SOX12: variants seen among roughly 807,000 people sequenced by gnomAD.
SOX12 encodes the protein SRY-box transcription factor 12, also known as transcription factor SOX-12.
A neutral mutation model predicts 21.5 loss-of-function variants in SOX12; 8 were observed. That is an observed-to-expected ratio of 0.37 (90% CI 0.22 to 0.67). The LOEUF is 0.67. SOX12 is among the 30% of genes least tolerant of loss of function. The probability of loss-of-function intolerance (pLI) is 0.56; values close to 1 mark genes in which losing one functional copy is unlikely to be tolerated. For synonymous variants in SOX12, 235 were observed against 224.2 expected (o/e 1.05, Z -0.43); for missense variants, 400 against 482.6 (o/e 0.83, Z 1.60).
Position 326,350 on chromosome 20 carries a change from G to A in SOX12, c.426G>A (p.Leu142=). The change falls in exon 1 of 1, where the codon CTG becomes CTA. Residue 142 remains leucine, a synonymous_variant. Coordinates refer to ENST00000342665, the MANE Select transcript of SOX12 (RefSeq NM_006943.4). This position sits in a 1 kb window ranked among gnomAD's most constrained non-coding sequence, Gnocchi z 9.9. ...GGSRLKPGPQ[L]PGRGGRRAAG... ...GCCGGCTCAAGCCCGGGCCGCAGCT[G>A]CCTGGCCGCGGGGGCCGCCGAGCAG... 7.7e-7 allele frequency: 1 copy of A among 1,299,294 alleles called. No homozygotes were observed. Among genetic ancestry groups the A allele is most frequent in the Non-Finnish European group, 9.8e-7 (1 of 1,025,034 alleles). 80.5% of individuals were successfully genotyped at this position (1,299,294 alleles called of 1,614,324 possible).
Position 326,727 on chromosome 20 carries a change from G to A in SOX12, c.803G>A (p.Ser268Asn). 6.2e-7 allele frequency: 1 copy of A among 1,608,870 alleles called. No homozygotes were observed. Among genetic ancestry groups the A allele is most frequent in the Non-Finnish European group, 8.5e-7 (1 of 1,177,948 alleles). Residue 268 changes from serine to asparagine, a missense_variant, in exon 1 of 1, where the codon AGC becomes AAC. This residue lies in a region of SOX12 where 235 missense variants were observed against 219.3 expected (regional missense o/e 1.07). Transcript: ENST00000342665. This position sits in a 1 kb window ranked among gnomAD's most constrained non-coding sequence, Gnocchi z 9.9. The part of the protein sequence containing the change: ...LPPGPAGLDC[S>N]ALDRDPDLQP... ...CCTGGCCCGGCCGGCCTGGACTGCA[G>A]CGCCCTGGATCGCGACCCGGACCTG...
Position 326,312 on chromosome 20 carries a change from A to G in SOX12, c.388A>G (p.Ser130Gly), listed in dbSNP as rs751675521. ...GGCGCGGCCCCGCCCCCCCGGTGGT[A>G]GCGGTGGCGGCAGCCGGCTCAAGCC... ...AKARPRPPGG[S>G]GGGSRLKPGP... The change falls in exon 1 of 1, where the codon AGC becomes GGC. Residue 130 changes from serine to glycine, a missense_variant. This residue lies in a region of SOX12 where 92 missense variants were observed against 162.0 expected (regional missense o/e 0.57). Coordinates refer to ENST00000342665, the MANE Select transcript of SOX12 (RefSeq NM_006943.4). The surrounding 1 kb of genome is among the most constrained non-coding windows in gnomAD (Gnocchi z 9.9). 7.2e-7 allele frequency: 1 copy of G among 1,392,752 alleles called. No individual in the cohort carries two copies. Among genetic ancestry groups the G allele is most frequent in the South Asian group, 1.6e-5 (1 of 61,890 alleles). 86.3% of individuals were successfully genotyped at this position (1,392,752 alleles called of 1,614,324 possible).
rs1011981897 is a variant in SOX12 at position 326,346 on chromosome 20, A to G, written c.422A>G (p.Gln141Arg). Reference sequence around the variant, plus strand: ...GGCAGCCGGCTCAAGCCCGGGCCGCAGCTGCCTGGCCGCGGGGGCCGCCGA... The same window carrying G: ...GGCAGCCGGCTCAAGCCCGGGCCGCGGCTGCCTGGCCGCGGGGGCCGCCGA... The part of the protein sequence containing the change: ...GGGSRLKPGP[Q>R]LPGRGGRRAA... Residue 141 changes from glutamine (Q) to arginine (R), a missense_variant, in exon 1 of 1, where the codon CAG becomes CGG. Physicochemically the swap from Gln to Arg is conservative, Grantham distance 43. This residue lies in a region of SOX12 where 235 missense variants were observed against 219.3 expected (regional missense o/e 1.07). Coordinates refer to ENST00000342665, the MANE Select transcript of SOX12 (RefSeq NM_006943.4). The surrounding 1 kb of genome is among the most constrained non-coding windows in gnomAD (Gnocchi z 9.9). The G allele has an allele frequency of 1.2e-5, 16 of 1,302,992 alleles. 1 individual carries two copies. The South Asian group carries it at 4.3e-4, about 35-fold the overall frequency. The allele number at this position is 1,302,992 out of a possible 1,614,324, so 80.7% of individuals were successfully genotyped here.
Position 326,669 on chromosome 20 carries a change from G to T in SOX12, c.745G>T (p.Glu249Ter). Reference sequence around the variant, plus strand: ...TGAAGAGGAGACGGTGGCGTCGGGGGAGGAGTCGCTGGGCTTTCTGTCCAG... The same window carrying T: ...TGAAGAGGAGACGGTGGCGTCGGGGTAGGAGTCGCTGGGCTTTCTGTCCAG... ...EGEEETVASG[E>*]ESLGFLSRLP... The change falls in exon 1 of 1, where the codon GAG (glutamate) becomes TAG (stop). Residue 249 changes from glutamate to a stop codon, truncating the protein, a stop_gained. Transcript: ENST00000342665. LOFTEE classifies it high-confidence loss of function. The surrounding 1 kb of genome is among the most constrained non-coding windows in gnomAD (Gnocchi z 9.9). 6.4e-7 allele frequency: 1 copy of T among 1,558,238 alleles called. No individual in the cohort carries two copies. The highest frequency in any genetic ancestry group is 2.4e-5 in the East Asian group (1 of 41,288).
chr20:327,905 C>T lies in SOX12; in HGVS notation c.*1033C>T, dbSNP rs370769990. 3.0e-5 allele frequency: 5 copies of T among 167,366 alleles called. No individual in the cohort carries two copies. Among genetic ancestry groups the T allele is most frequent in the African/African-American group, 9.7e-5 (4 of 41,442 alleles). The allele number at this position is 167,366 out of a possible 1,614,324, so 10.4% of individuals were successfully genotyped here. A position where few individuals can be genotyped will look rare whatever the true frequency, so the allele number is the denominator to read the frequency against. On this transcript the variant is annotated 3_prime_UTR_variant, in exon 1 of 1. Transcript: ENST00000342665. ...CAGGGCACCCGCAACCTGGGCTCCT[C>T]CCTGAGCGCACCGGCCCTTCCTGTC...
rs139077286 is a variant in SOX12 at position 330,181 on chromosome 20, C to A, written c.*3309C>A. On this transcript the variant is annotated 3_prime_UTR_variant, in exon 1 of 1. Coordinates refer to ENST00000342665, the MANE Select transcript of SOX12 (RefSeq NM_006943.4). ...AGGCCTGCTTCCTCTTCTTCCTCTT[C>A]TTTTCACAGGTGCTTATTCCTAATA... 6.0e-6 allele frequency: 1 copy of A among 167,080 alleles called. No homozygotes were observed. Among genetic ancestry groups the A allele is most frequent in the African/African-American group, 2.4e-5 (1 of 41,586 alleles). 10.3% of individuals were successfully genotyped at this position (167,080 alleles called of 1,614,324 possible).
At position 326,161 on chromosome 20, in the gene SOX12, G is replaced by A; in HGVS notation, c.237G>A (p.Gln79=). ...CCAAGCGCCTGGGCCGCCGCTGGCA[G>A]CTGCTGCAGGACTCGGAGAAGATCC... ...EISKRLGRRW[Q]LLQDSEKIPF... The change falls in exon 1 of 1, where the codon CAG becomes CAA. Residue 79 remains glutamine (Q), a synonymous_variant. Coordinates refer to ENST00000342665, the MANE Select transcript of SOX12 (RefSeq NM_006943.4). The surrounding 1 kb of genome is among the most constrained non-coding windows in gnomAD (Gnocchi z 9.9). 6.3e-7 allele frequency: 1 copy of A among 1,597,640 alleles called. No homozygotes were observed. Among genetic ancestry groups the A allele is most frequent in the Non-Finnish European group, 8.5e-7 (1 of 1,172,698 alleles).
chr20:328,579 AC>A lies in SOX12; in HGVS notation c.*1708del, dbSNP rs1379773159. 1.3e-5 allele frequency: 2 copies of A among 159,288 alleles called. No homozygotes were observed. The highest frequency in any genetic ancestry group is 3.0e-5 in the Non-Finnish European group (2 of 67,474). The allele number at this position is 159,288 out of a possible 1,614,324, so 9.9% of individuals were successfully genotyped here. Reference sequence around the variant, plus strand: ...ACAAAAAAAGACAATGAAAAAAAAAACGTCATGTGAGTGAAGAGATGTCACT... The same window carrying A: ...ACAAAAAAAGACAATGAAAAAAAAAAGTCATGTGAGTGAAGAGATGTCACT... On this transcript the variant is annotated 3_prime_UTR_variant, in exon 1 of 1. Coordinates refer to ENST00000342665, the MANE Select transcript of SOX12 (RefSeq NM_006943.4).
At position 329,966 on chromosome 20, in the gene SOX12, C is replaced by CAG. The variant is rs2013165394; in HGVS notation, c.*3099_*3100dup. Reference sequence around the variant, plus strand: ...AGTGCCATCAGGGTGGCCGCAGCTGCAGAGAGCCACTTCACCTGAGACCAC... The same window carrying CAG: ...AGTGCCATCAGGGTGGCCGCAGCTGCAGAGAGAGCCACTTCACCTGAGACCAC... On this transcript the variant is annotated 3_prime_UTR_variant, in exon 1 of 1. Transcript: ENST00000342665. 6.0e-6 allele frequency: 1 copy of CAG among 167,148 alleles called. No homozygotes were observed. Among genetic ancestry groups the CAG allele is most frequent in the African/African-American group, 2.4e-5 (1 of 41,454 alleles). The allele number at this position is 167,148 out of a possible 1,614,324, so 10.4% of individuals were successfully genotyped here.
chr20:326,611 A>G lies in SOX12; in HGVS notation c.687A>G (p.Glu229=). Residue 229 remains glutamate, a synonymous_variant, in exon 1 of 1, where the codon GAA becomes GAG. Transcript: ENST00000342665. This position sits in a 1 kb window ranked among gnomAD's most constrained non-coding sequence, Gnocchi z 9.9. ...PTPSEDEEPE[E]EEEEAAAAEE... ...CGTCGGAGGACGAGGAGCCGGAGGA[A>G]GAGGAGGAGGAGGCGGCAGCGGCTG... 3.9e-6 allele frequency: 6 copies of G among 1,539,950 alleles called. No homozygotes were observed. Among genetic ancestry groups the G allele is most frequent in the Non-Finnish European group, 4.4e-6 (5 of 1,140,520 alleles).
At position 326,884 on chromosome 20, in the gene SOX12, G is replaced by T. The variant is rs2013106520; in HGVS notation, c.*12G>T. On this transcript the variant is annotated 3_prime_UTR_variant, in exon 1 of 1. Coordinates refer to ENST00000342665, the MANE Select transcript of SOX12 (RefSeq NM_006943.4). This position sits in a 1 kb window ranked among gnomAD's most constrained non-coding sequence, Gnocchi z 9.9. ...TTTTCACCTACTGAGCCCACCGTCA[G>T]CGGGGCGCGCACGCCCCCAAACCAG... 1.2e-6 allele frequency: 2 copies of T among 1,612,972 alleles called. No homozygotes were observed. The highest frequency in any genetic ancestry group is 1.7e-5 in the Admixed American group (1 of 60,016).
chr20:328,279 C>A lies in SOX12; in HGVS notation c.*1407C>A, dbSNP rs6050226. 0.027 allele frequency: 4,410 copies of A among 165,340 alleles called. 72 individuals carry two copies. Among genetic ancestry groups the A allele is most frequent in the South Asian group, 0.083 (390 of 4,706 alleles). The allele number at this position is 165,340 out of a possible 1,614,324, so 10.2% of individuals were successfully genotyped here. On this transcript the variant is annotated 3_prime_UTR_variant, in exon 1 of 1. Coordinates refer to ENST00000342665, the MANE Select transcript of SOX12 (RefSeq NM_006943.4). ...CTCTGCCCCGCCCCGCCCCTCCGGCCTCCCCACACCCCCCTTGCCCTCACT... is the reference window on the plus strand; with the variant it reads ...CTCTGCCCCGCCCCGCCCCTCCGGCATCCCCACACCCCCCTTGCCCTCACT...
rs1251109208 is a variant in SOX12, at chr20:327,540, C to G, written c.*668C>G. On this transcript the variant is annotated 3_prime_UTR_variant, in exon 1 of 1. Transcript: ENST00000342665. ...TTGATCCGGGAGCCCTAGGTTTCCT[C>G]TCCAGCCAACGGGGCGTCGCTGCCT... is the stretch of plus-strand genomic sequence containing the variant. 1 of 167,332 alleles carries G rather than the reference C, an allele frequency of 6.0e-6. No homozygotes were observed. Among genetic ancestry groups the G allele is most frequent in the Middle Eastern group, 3.4e-3 (1 of 298 alleles). 10.4% of individuals were successfully genotyped at this position (167,332 alleles called of 1,614,324 possible).
rs1185262067 is a variant in SOX12, at chr20:327,418, G to A, written c.*546G>A. 5 of 175,184 alleles carry A rather than the reference G, an allele frequency of 2.9e-5. No homozygotes were observed. Among genetic ancestry groups the A allele is most frequent in the South Asian group, 1.6e-4 (1 of 6,362 alleles). 10.9% of individuals were successfully genotyped at this position (175,184 alleles called of 1,614,324 possible). The stretch of plus-strand genomic sequence containing the variant: ...CACCCCCTTCGTGCGCATGCTTAAT[G>A]CTTCTGGGGAGGAGGGGGCTGGTCC... On this transcript the variant is annotated 3_prime_UTR_variant, in exon 1 of 1. Coordinates refer to ENST00000342665, the MANE Select transcript of SOX12 (RefSeq NM_006943.4).
rs948673931 is a variant in SOX12 at position 329,165 on chromosome 20, G to C, written c.*2293G>C. ...AGGTCTGGTCCGAGGGGGCTGGCTT[G>C]GCCATGCCTTTCTGTGCCTTTAATG... On this transcript the variant is annotated 3_prime_UTR_variant, in exon 1 of 1. Coordinates refer to ENST00000342665, the MANE Select transcript of SOX12 (RefSeq NM_006943.4). The C allele has an allele frequency of 1.2e-5, 2 of 167,102 alleles. No homozygotes were observed. The highest frequency in any genetic ancestry group is 4.8e-5 in the African/African-American group (2 of 41,460). The allele number at this position is 167,102 out of a possible 1,614,324, so 10.4% of individuals were successfully genotyped here.
chr20:326,417 G>A lies in SOX12; in HGVS notation c.493G>A (p.Asp165Asn). Residue 165 changes from aspartate to asparagine, a missense_variant, in exon 1 of 1, where the codon GAC (aspartate) becomes AAC (asparagine). Physicochemically the swap from Asp to Asn is conservative, Grantham distance 23. Transcript: ENST00000342665. The surrounding 1 kb of genome is among the most constrained non-coding windows in gnomAD (Gnocchi z 9.9). Reference sequence around the variant, plus strand: ...GGGCGGGGCGGCGGCGCCCGAGGACGACGATGAAGACGACGACGAGGAGCT... The same window carrying A: ...GGGCGGGGCGGCGGCGCCCGAGGACAACGATGAAGACGACGACGAGGAGCT... ...LGGGAAAPED[D>N]DEDDDEELLE... The A allele has an allele frequency of 7.4e-7, 1 of 1,346,204 alleles. No individual in the cohort carries two copies. Among genetic ancestry groups the A allele is most frequent in the Non-Finnish European group, 9.5e-7 (1 of 1,055,676 alleles). The allele number at this position is 1,346,204 out of a possible 1,614,324, so 83.4% of individuals were successfully genotyped here. A position where few individuals can be genotyped will look rare whatever the true frequency, so the allele number is the denominator to read the frequency against.
rs772510043 is a variant in SOX12, at chr20:326,836, C to G, written c.912C>G (p.Arg304=). The G allele has an allele frequency of 6.2e-7, 1 of 1,613,538 alleles. No individual in the cohort carries two copies. The highest frequency in any genetic ancestry group is 8.5e-7 in the Non-Finnish European group (1 of 1,179,918). ...EVTEMIAGDW[R]PSSIADLVFT... is the part of the protein sequence containing the mutation. ...CCGAGATGATCGCGGGGGACTGGCG[C>G]CCGTCTAGCATCGCAGACCTGGTTT... Residue 304 remains arginine, a synonymous_variant, in exon 1 of 1, where the codon CGC becomes CGG. Transcript: ENST00000342665. The surrounding 1 kb of genome is among the most constrained non-coding windows in gnomAD (Gnocchi z 9.9).
In SOX12 at chr20:327,280, G is replaced by C. The variant is rs548196130; in HGVS notation, c.*408G>C. On this transcript the variant is annotated 3_prime_UTR_variant, in exon 1 of 1. Transcript: ENST00000342665. ...CGGCCCGCCTTCTCTGGGTTAGGGGGGCGATGCGGCCGGGTGGCAACGCAC... is the reference window on the plus strand; with the variant it reads ...CGGCCCGCCTTCTCTGGGTTAGGGGCGCGATGCGGCCGGGTGGCAACGCAC... 1,252 of 212,988 alleles carry C rather than the reference G, an allele frequency of 5.9e-3. 19 individuals are homozygous for C. Among genetic ancestry groups the C allele is most frequent in the African/African-American group, 0.028 (1,181 of 41,884 alleles). The allele number at this position is 212,988 out of a possible 1,614,324, so 13.2% of individuals were successfully genotyped here.
rs1600207266 is a variant in SOX12, at chr20:327,009, C to G, written c.*137C>G. 2.5e-6 allele frequency: 2 copies of G among 804,392 alleles called. No homozygotes were observed. Among genetic ancestry groups the G allele is most frequent in the Admixed American group, 2.0e-5 (1 of 50,224 alleles). The allele number at this position is 804,392 out of a possible 1,614,324, so 49.8% of individuals were successfully genotyped here. On this transcript the variant is annotated 3_prime_UTR_variant, in exon 1 of 1. Coordinates refer to ENST00000342665, the MANE Select transcript of SOX12 (RefSeq NM_006943.4). ...CCCCCTCCTGGACGTGCCCATCCCCCCTCAGATCCAGACATGCCCCTCCCC... is the reference window on the plus strand; with the variant it reads ...CCCCCTCCTGGACGTGCCCATCCCCGCTCAGATCCAGACATGCCCCTCCCC...
Sources: allele counts gnomAD v4.1 joint callset, GRCh38; gene constraint gnomAD v4.1.1; regional missense constraint gnomAD v4.1.1; non-coding constraint Gnocchi (gnomAD v3.1); transcripts MANE v1.5; gene names NCBI Gene and HGNC (gene_info 2026-07-23, HGNC 2026-07-21).